MICAL2: variants seen among roughly 807,000 people sequenced by gnomAD.
MICAL2 encodes the protein microtubule associated monooxygenase, calponin and LIM domain containing 2, also known as [F-actin]-monooxygenase MICAL2.
MICAL2 carries 77 observed loss-of-function variants against 127.3 expected under a neutral mutation model. The observed-to-expected ratio is 0.60, with a 90% confidence interval of 0.50 to 0.73. The LOEUF is 0.73. MICAL2 is among the 30% of genes least tolerant of loss of function. The pLI is 0.00. For synonymous variants in MICAL2, 570 were observed against 551.1 expected, an observed-to-expected ratio of 1.03 and a Z score of -0.48; for missense variants, 1,351 against 1,434.4, an observed-to-expected ratio of 0.94 and a Z score of 0.94.
intron 2 of MICAL2, among the ~76,000 whole-genome samples, chr11:12,150,813 A>T (rs1199735157): frequency 1.3e-5 from 2 of 152,198 alleles, no homozygotes; most frequent in Non-Finnish European, 2.9e-5. Context: ...TTACCATAGC[A>T]GAGAGTTGGT....
intron 3 of MICAL2, among the ~76,000 whole-genome samples, chr11:12,189,578 C>T (rs1340890309): frequency 6.6e-6 from 1 of 152,230 alleles, no homozygotes; most frequent in Non-Finnish European, 1.5e-5. Flanking sequence ...TATTCCCTAA[C>T]CTACCTTATC....
At chr11:12,330,829 C>CAGAGAGAGAGAGAGGGAG (rs1381650434) in intron 32 of MICAL2, among the ~76,000 whole-genome samples, 1 of 69,166 alleles carries the variant, frequency 1.4e-5, no homozygotes, top group Non-Finnish European at 3.5e-5. Context: ...GAGGGAGAGA[C>CAGAGAGAGAGAGAGGGAG]AGACAGAGAG....
intron 2 of MICAL2, among the ~76,000 whole-genome samples, chr11:12,155,722 C>A (rs75154125): frequency 6.6e-6 from 1 of 152,232 alleles, no homozygotes; most frequent in Non-Finnish European, 1.5e-5. Flanking sequence ...AAAAGTCTTA[C>A]CTCCCCCACG....
chr11:12,297,787 T>C (rs998715223), intron 29 of MICAL2, among the ~76,000 whole-genome samples: 5 of 152,080 alleles, frequency 3.3e-5, no homozygotes, highest in Non-Finnish European at 5.9e-5. Flanking sequence ...CCCTCTCTTA[T>C]GTGAGATGAC....
rs1854390504 is a variant in MICAL2 at position 12,204,265 on chromosome 11, G to T, written c.280G>T (p.Gly94Ter). The change falls in exon 4 of 28, where the codon GGA becomes TGA. Residue 94 changes from glycine to a stop codon, truncating the protein, a stop_gained. Coordinates refer to ENST00000683283, the MANE Select transcript of MICAL2 (RefSeq NM_001282663.2). LOFTEE classifies it high-confidence loss of function. ...CTNTKCLIVGGGPCGLRTAIE... is the reference protein window; with the variant it reads ...CTNTKCLIVG ...ACCTCTGCAGTGTCTCATAGTTGGG[G>T]GAGGACCCTGTGGCTTGCGCACTGC... The T allele has an allele frequency of 6.2e-7, 1 of 1,614,100 alleles. No individual in the cohort carries two copies. Among genetic ancestry groups the T allele is most frequent in the Non-Finnish European group, 8.5e-7 (1 of 1,180,050 alleles).
At chr11:12,264,160 A>G (rs74870505), downstream of MICAL2, among the ~76,000 whole-genome samples, 9,115 of 152,274 alleles carry the variant, frequency 0.06, 298 homozygotes, top group Middle Eastern at 0.11. Flanking sequence ...AGCTTTCCCC[A>G]TGAACCTTAC....
At chr11:12,147,882 C>T (rs7108982) in intron 2 of MICAL2, among the ~76,000 whole-genome samples, 64,831 of 152,058 alleles carry the variant, frequency 0.43, 14,168 homozygotes, top group Middle Eastern at 0.54. Flanking sequence ...GGATTCTATT[C>T]GGGAACAGGC....
At chr11:12,327,829 A>T (rs1864371972) in intron 32 of MICAL2, among the ~76,000 whole-genome samples, 1 of 147,662 alleles carries the variant, frequency 6.8e-6, no homozygotes, top group African/African-American at 2.5e-5. Context: ...TTGCAATTCA[A>T]GGATTAAGAT....
chr11:12,248,259 C>T (rs1184119839), intron 21 of MICAL2, among the ~76,000 whole-genome samples: 15 of 152,100 alleles, frequency 9.9e-5, no homozygotes, highest in African/African-American at 1.9e-4. Flanking sequence ...AGGGCTCTCA[C>T]GGGGGGCTCA....
intron 3 of MICAL2, among the ~76,000 whole-genome samples, chr11:12,164,772 A>G (rs1461383277): frequency 6.6e-6 from 1 of 152,220 alleles, no homozygotes; most frequent in Non-Finnish European, 1.5e-5. Context: ...CAGCCCTTTC[A>G]AGCATCACAT....
chr11:12,200,174 G>T (rs1016602549), intron 3 of MICAL2, among the ~76,000 whole-genome samples: 2 of 152,214 alleles, frequency 1.3e-5, no homozygotes, highest in Admixed American at 6.5e-5. Flanking sequence ...CCTTGGACTG[G>T]CTGTGGGTTA....
chr11:12,309,342 T>G (rs1202823623), intron 29 of MICAL2, among the ~76,000 whole-genome samples: 1 of 150,590 alleles, frequency 6.6e-6, no homozygotes, highest in African/African-American at 2.4e-5. Context: ...CCCTCCCCAC[T>G]TCTGCTTCCG....
At position 12,236,195 on chromosome 11, in the gene MICAL2, G is replaced by A. The variant is rs777246250; in HGVS notation, c.2014G>A (p.Glu672Lys). The change falls in exon 16 of 28, where the codon GAG becomes AAG. Residue 672 changes from glutamate to lysine, a missense_variant. This residue lies in a region of MICAL2 where 752 missense variants were observed against 719.4 expected (regional missense o/e 1.05). Transcript: ENST00000683283. Reference protein sequence around the residue: ...RTPRVDGQTGENDMNKRRRKG... With the variant: ...RTPRVDGQTGKNDMNKRRRKG... ...ATTGCAGGTGGATGGTCAAACCGGA[G>A]AGAATGACATGAACAAACGGAGACG... The A allele has an allele frequency of 3.1e-6, 5 of 1,614,168 alleles. No homozygotes were observed. The East Asian group carries it at 1.1e-4, about 36-fold the overall frequency.
At chr11:12,160,472 C>T (rs1273394937) in intron 2 of MICAL2, among the ~76,000 whole-genome samples, 2 of 152,172 alleles carry the variant, frequency 1.3e-5, no homozygotes, top group Non-Finnish European at 2.9e-5. Flanking sequence ...CACCTGCCAC[C>T]ACGTGCGCTG....
At chr11:12,230,843 C>T (rs1050296748) in intron 15 of MICAL2, among the ~76,000 whole-genome samples, 1 of 152,220 alleles carries the variant, frequency 6.6e-6, no homozygotes, top group Non-Finnish European at 1.5e-5. Context: ...TCCATTCCCA[C>T]CATGAGTGGT....
At chr11:12,175,515 T>G (rs1195674908) in intron 3 of MICAL2, among the ~76,000 whole-genome samples, 1 of 152,048 alleles carries the variant, frequency 6.6e-6, no homozygotes, top group Non-Finnish European at 1.5e-5. Flanking sequence ...CCTTGTCCTC[T>G]TGGAGTTTAT....
Position 12,236,264 on chromosome 11 carries a change from G to A in MICAL2, c.2064+19G>A, listed in dbSNP as rs1460063235. 6.2e-7 allele frequency: 1 copy of A among 1,612,384 alleles called. No individual in the cohort carries two copies. The highest frequency in any genetic ancestry group is 8.5e-7 in the Non-Finnish European group (1 of 1,178,340). ...GGACGAGGTTTGTGTACACAGTGTG[G>A]CTTTAAACAGAGGCTCGTTTCCTGA... On this transcript the variant is annotated intron_variant, in intron 16 of 27. Coordinates refer to ENST00000683283, the MANE Select transcript of MICAL2 (RefSeq NM_001282663.2).
At position 12,353,151 on chromosome 11, in the gene MICAL2, C is replaced by T. The variant is rs142960066; in HGVS notation, c.5616-1633C>T. ...ATGTAGTAAAAATAACGCCAGTAACCGGGTATAACAAAGCGACCCCAGCAC... is the reference window on the plus strand; with the variant it reads ...ATGTAGTAAAAATAACGCCAGTAACTGGGTATAACAAAGCGACCCCAGCAC... On this transcript the variant is annotated intron_variant, in intron 33 of 34. Transcript: ENST00000646065. Among the ~76,000 whole-genome samples the T allele has an allele frequency of 3.7e-4, 57 of 152,228 alleles. No individual in the cohort carries two copies. In the East Asian group the frequency reaches 0.01, roughly 28 times the overall value.
chr11:12,229,493 G>T (rs1857921631), intron 15 of MICAL2, among the ~76,000 whole-genome samples: 1 of 152,210 alleles, frequency 6.6e-6, no homozygotes, highest in African/African-American at 2.4e-5. Context: ...TTTGGCCCCA[G>T]GCAAGCCAGT....
Sources: gnomAD v4.1 joint callset for allele counts (sites outside exome capture counted in the v4.1 genomes callset) on GRCh38, gnomAD v4.1.1 for gene constraint, gnomAD v4.1.1 regional missense constraint, MANE v1.5 for transcripts, NCBI Gene and HGNC (gene_info 2026-07-23, HGNC 2026-07-21) for gene names.